ARK2N: variants seen among roughly 807,000 people sequenced by gnomAD.
The protein encoded by ARK2N is protein ARK2N.
At chr18:46,240,716 T>A in the ARK2N span, among the ~76,000 whole-genome samples, 1 of 152,222 alleles carries the variant, frequency 6.6e-6, no homozygotes, top group South Asian at 2.1e-4. Context: ...TCTGTCTCTG[T>A]TAGCTCAGGA....
the ARK2N span, among the ~76,000 whole-genome samples, chr18:46,241,101 C>CA: frequency 4.6e-5 from 7 of 152,042 alleles, no homozygotes; most frequent in African/African-American, 1.7e-4. Context: ...ATGAGTTTTA[C>CA]AAAAAAATGA....
the ARK2N span, among the ~76,000 whole-genome samples, chr18:46,196,714 C>T: frequency 6.6e-6 from 1 of 152,260 alleles, no homozygotes; most frequent in East Asian, 1.9e-4. Flanking sequence ...TATTTAGGAG[C>T]AACTAACTAG....
chr18:46,242,471 T>TA, the ARK2N span, among the ~76,000 whole-genome samples: 1 of 152,216 alleles, frequency 6.6e-6, no homozygotes, highest in Non-Finnish European at 1.5e-5. Flanking sequence ...TTAGCCTATT[T>TA]AAAAATCACT....
the ARK2N span, among the ~76,000 whole-genome samples, chr18:46,248,361 T>C: frequency 6.6e-5 from 10 of 152,080 alleles, no homozygotes; most frequent in African/African-American, 2.4e-4. Context: ...GAAGGTAAAG[T>C]TGTAGGAGGG....
At chr18:46,246,246 G>A in the ARK2N span, among the ~76,000 whole-genome samples, 5 of 152,220 alleles carry the variant, frequency 3.3e-5, no homozygotes, top group South Asian at 2.1e-4. Context: ...GGGGTGAGGC[G>A]GGGTGGGGAG....
chr18:46,245,211 C>T, the ARK2N span, among the ~76,000 whole-genome samples: 9 of 152,004 alleles, frequency 5.9e-5, no homozygotes, highest in Non-Finnish European at 1.3e-4. Context: ...GAATTTCAGG[C>T]GTGAGCTACC....
At chr18:46,187,200 T>C in the ARK2N span, among the ~76,000 whole-genome samples, 8 of 149,686 alleles carry the variant, frequency 5.3e-5, no homozygotes, top group African/African-American at 9.8e-5. Flanking sequence ...GAGAATCGCT[T>C]GAACCCGGGA....
chr18:46,195,454 A>G, the ARK2N span, among the ~76,000 whole-genome samples: 87 of 146,790 alleles, frequency 5.9e-4, no homozygotes, highest in African/African-American at 2.2e-3. Flanking sequence ...TCATGATGTT[A>G]CCCAGGCTGG....
chr18:46,215,791 C>T, the ARK2N span: 1 of 1,258,194 alleles, frequency 7.9e-7, no homozygotes, highest in Admixed American at 2.2e-5. Flanking sequence ...TGTTTATTGA[C>T]TTTGTGTGTT....
the ARK2N span, chr18:46,218,729 C>G: frequency 1.3e-5 from 2 of 152,136 alleles, no homozygotes; most frequent in East Asian, 3.8e-4. Flanking sequence ...AGAGGAGGCA[C>G]GTTCAACCTT....
At chr18:46,248,809 T>C in the ARK2N span, among the ~76,000 whole-genome samples, 2 of 152,162 alleles carry the variant, frequency 1.3e-5, no homozygotes, top group African/African-American at 2.4e-5. Context: ...GGTCTCCATC[T>C]CTTGACCTCA....
chr18:46,191,216 T>A, the ARK2N span, among the ~76,000 whole-genome samples: 1 of 152,164 alleles, frequency 6.6e-6, no homozygotes, highest in African/African-American at 2.4e-5. Context: ...GAGTTTTAGG[T>A]TTGCAGAAAA....
chr18:46,256,950 G>T, the ARK2N span, among the ~76,000 whole-genome samples: 1 of 152,152 alleles, frequency 6.6e-6, no homozygotes, highest in East Asian at 1.9e-4. Context: ...TTGCCCCTTG[G>T]CTGCCTGTAT....
At chr18:46,224,254 A>T in the ARK2N span, among the ~76,000 whole-genome samples, 1 of 152,186 alleles carries the variant, frequency 6.6e-6, no homozygotes, top group African/African-American at 2.4e-5. Context: ...AAACTTAACT[A>T]CATTTTTTTG....
chr18:46,210,962 CTAGGAT>C, the ARK2N span, among the ~76,000 whole-genome samples: 1 of 151,242 alleles, frequency 6.6e-6, no homozygotes, highest in Admixed American at 6.6e-5. Context: ...GGACCTAGAC[CTAGGAT>C]TAAATCCTGA....
chr18:46,240,584 G>T, the ARK2N span, among the ~76,000 whole-genome samples: 3 of 152,190 alleles, frequency 2.0e-5, no homozygotes, highest in Non-Finnish European at 2.9e-5. Context: ...ATCTCTCCCT[G>T]TGGGGCTGGC....
the ARK2N span, among the ~76,000 whole-genome samples, chr18:46,208,357 C>T: frequency 6.6e-6 from 1 of 151,714 alleles, no homozygotes; most frequent in Non-Finnish European, 1.5e-5. Flanking sequence ...TAGAATGATG[C>T]CTTTTTTCGT....
the ARK2N span, among the ~76,000 whole-genome samples, chr18:46,229,919 TTTTGTTTG>T: frequency 6.9e-6 from 1 of 145,728 alleles, no homozygotes; most frequent in Non-Finnish European, 1.5e-5. Flanking sequence ...AAGTAGTGTT[TTTTGTTTG>T]TTTGTTTGTT....
At chr18:46,214,019 A>G in the ARK2N span, among the ~76,000 whole-genome samples, 1 of 152,214 alleles carries the variant, frequency 6.6e-6, no homozygotes, top group South Asian at 2.1e-4. Flanking sequence ...AAATTAACAG[A>G]TGTTTCAGTG....
Sources: gnomAD v4.1 joint callset for allele counts (sites outside exome capture counted in the v4.1 genomes callset) on GRCh38, gnomAD v4.1.1 for gene constraint, MANE v1.5 for transcripts, NCBI Gene and HGNC (gene_info 2026-07-23, HGNC 2026-07-21) for gene names.